The following NSMCE1 variants were observed in gnomAD, a reference collection of about 807,000 sequenced individuals.
NSMCE1 encodes non-structural maintenance of chromosomes element 1 homolog.
A neutral mutation model predicts 29.6 loss-of-function variants in NSMCE1; 18 were observed. The ratio of observed to expected loss-of-function variants is 0.61; its 90% confidence interval spans 0.42 to 0.90. The LOEUF is 0.90. Ranked by LOEUF, NSMCE1 falls within the 40% of genes least tolerant of loss-of-function variation. NSMCE1 has a pLI of 0.00. For synonymous variants in NSMCE1, 124 were observed against 133.4 expected (o/e 0.93, Z 0.49); for missense variants, 314 against 343.6 (o/e 0.91, Z 0.68).
chr16:27,226,760 G>A lies in NSMCE1; in HGVS notation c.560C>T (p.Ala187Val), dbSNP rs200970237. The A allele has an allele frequency of 4.7e-5, 76 of 1,613,850 alleles. No individual in the cohort carries two copies. Among genetic ancestry groups the A allele is most frequent in the African/African-American group, 9.3e-5 (7 of 75,056 alleles). The change falls in exon 6 of 8, where the codon GCG becomes GTG. Residue 187 changes from alanine to valine, a missense_variant. By Grantham distance (64) the Ala-to-Val change is moderately conservative. Transcript: ENST00000361439. Reference protein sequence around the residue: ...EQYIRETYPDAVKICNICHSL... With the variant: ...EQYIRETYPDVVKICNICHSL... ...GTGACAGATATTGCAGATCTTCACC[G>A]CGTCGGGGTACGTCTCCCGGATGTA... is the stretch of plus-strand genomic sequence containing the variant.
At chr16:27,260,882 G>C (rs1031215371) in intron 1 of NSMCE1, among the ~76,000 whole-genome samples, 18 of 103,278 alleles carry the variant, frequency 1.7e-4, no homozygotes, top group Admixed American at 1.4e-3. Context: ...AAAAGGTTGC[G>C]GGGGCTGGTC....
chr16:27,225,582 G>T (rs1018246381), intron 7 of NSMCE1, 144 bp downstream of exon 7: 2 of 946,228 alleles, frequency 2.1e-6, no homozygotes, highest in Non-Finnish European at 1.5e-6. Flanking sequence ...TCCTGCAGTG[G>T]CTTCTTCTAG....
rs1245448621 is a variant in NSMCE1, at chr16:27,234,182, A to T, written c.336+6T>A. ...CCCAATGGGCAATGGGGATTACTCTACTTACAGCCTTTCTAAACAAATCCA... is the reference window on the plus strand; with the variant it reads ...CCCAATGGGCAATGGGGATTACTCTTCTTACAGCCTTTCTAAACAAATCCA... On this transcript the variant is annotated splice_donor_region_variant and intron_variant, in intron 4 of 7. Transcript: ENST00000361439. 1 of 1,598,338 alleles carries T rather than the reference A, an allele frequency of 6.3e-7. No homozygotes were observed. The highest frequency in any genetic ancestry group is 8.6e-7 in the Non-Finnish European group (1 of 1,165,454).
At chr16:27,238,060 G>A (rs7186151) in intron 2 of NSMCE1, among the ~76,000 whole-genome samples, 46,742 of 151,880 alleles carry the variant, frequency 0.31, 7,398 homozygotes, top group East Asian at 0.47. Flanking sequence ...CCTCTTAATC[G>A]TGACCTGAGA....
At chr16:27,246,784 C>T (rs919461920) in intron 2 of NSMCE1, among the ~76,000 whole-genome samples, 4 of 152,162 alleles carry the variant, frequency 2.6e-5, no homozygotes, top group Admixed American at 6.5e-5. Flanking sequence ...GCTACTGCAC[C>T]GGGCCAAGAA....
rs952472827 is a variant in NSMCE1, at chr16:27,264,908, A to G, written c.-12+3798T>C. 7.9e-5 allele frequency among the ~76,000 whole-genome samples: 12 copies of G among 152,210 alleles called. No homozygotes were observed. In the East Asian group the frequency reaches 2.1e-3, roughly 27 times the overall value. On this transcript the variant is annotated intron_variant, in intron 1 of 7. Transcript: ENST00000361439. Reference sequence around the variant, plus strand: ...CAAAAGATTCATATTCAGACTATATAAGGAATTCCTACAAATCAGCATGGG... The same window carrying G: ...CAAAAGATTCATATTCAGACTATATGAGGAATTCCTACAAATCAGCATGGG...
At chr16:27,229,424 C>T (rs762864342) in intron 5 of NSMCE1, among the ~76,000 whole-genome samples, 16 of 152,218 alleles carry the variant, frequency 1.1e-4, no homozygotes, top group Admixed American at 3.9e-4. Flanking sequence ...TGTGCTCACT[C>T]CTGTGTCCGC....
chr16:27,247,718 G>A (rs2083972360), intron 2 of NSMCE1, among the ~76,000 whole-genome samples: 1 of 151,992 alleles, frequency 6.6e-6, no homozygotes, highest in South Asian at 2.1e-4. Context: ...CGAGGTGAGG[G>A]GATCAATATC....
intron 2 of NSMCE1, among the ~76,000 whole-genome samples, chr16:27,251,946 C>T (rs2084039869): frequency 6.6e-6 from 1 of 152,186 alleles, no homozygotes; most frequent in South Asian, 2.1e-4. Context: ...CCTGAACTCT[C>T]ATCTCCATCT....
chr16:27,243,504 T>G (rs986494126), intron 2 of NSMCE1, among the ~76,000 whole-genome samples: 1 of 152,144 alleles, frequency 6.6e-6, no homozygotes, highest in Non-Finnish European at 1.5e-5. Flanking sequence ...TACATCAACC[T>G]GCCCAGAAAG....
At chr16:27,262,205 T>C (rs969316399) in intron 1 of NSMCE1, among the ~76,000 whole-genome samples, 2 of 149,234 alleles carry the variant, frequency 1.3e-5, no homozygotes, top group African/African-American at 5.0e-5. Context: ...GATCACGCCA[T>C]TGCACTCCAG....
At chr16:27,267,307 T>A (rs576733655) in intron 1 of NSMCE1, among the ~76,000 whole-genome samples, 194 of 152,322 alleles carry the variant, frequency 1.3e-3, no homozygotes, top group Middle Eastern at 3.4e-3. Flanking sequence ...ATACCATTCG[T>A]GCGGGTGCTA....
At chr16:27,239,698 G>A (rs981972268) in intron 2 of NSMCE1, among the ~76,000 whole-genome samples, 3 of 152,354 alleles carry the variant, frequency 2.0e-5, no homozygotes, top group Non-Finnish European at 2.9e-5. Flanking sequence ...GCCCAGCTAT[G>A]AGGACAGAGG....
chr16:27,236,272 G>A, intron 2 of NSMCE1, among the ~76,000 whole-genome samples: 1 of 150,376 alleles, frequency 6.6e-6, no homozygotes, highest in African/African-American at 2.4e-5. Context: ...CCAGCGTTGT[G>A]TCCCTTTTAT....
chr16:27,226,399 G>A (rs1567270683), intron 6 of NSMCE1: 3 of 313,230 alleles, frequency 9.6e-6, no homozygotes, highest in African/African-American at 2.1e-5. Flanking sequence ...AGCAGCAATC[G>A]ACAAGAGACA....
chr16:27,247,644 T>C (rs1462901930), intron 2 of NSMCE1, among the ~76,000 whole-genome samples: 1 of 152,098 alleles, frequency 6.6e-6, no homozygotes, highest in African/African-American at 2.4e-5. Flanking sequence ...TGCCTTCATA[T>C]GGCCGGGCAC....
At chr16:27,259,401 G>A (rs990611544) in intron 1 of NSMCE1, among the ~76,000 whole-genome samples, 5 of 152,162 alleles carry the variant, frequency 3.3e-5, no homozygotes, top group African/African-American at 7.2e-5. Context: ...TAGCACCCCC[G>A]TATTTGCCAG....
chr16:27,234,229 T>A lies in NSMCE1; in HGVS notation c.295A>T (p.Thr99Ser). 1 of 1,613,646 alleles carries A rather than the reference T, an allele frequency of 6.2e-7. No homozygotes were observed. The highest frequency in any genetic ancestry group is 8.5e-7 in the Non-Finnish European group (1 of 1,179,500). The part of the protein sequence containing the change: ...LATTSISKMA[T>S]DFAENELDLF... The stretch of plus-strand genomic sequence containing the variant: ...TCCAGTTCATTCTCTGCAAAATCCG[T>A]AGCCATTTTGGAAATTGAAGTTGTA... Residue 99 changes from threonine to serine, a missense_variant, in exon 4 of 8, where the codon ACG becomes TCG. Thr to Ser is a moderately conservative substitution (Grantham distance 58). Transcript: ENST00000361439.
Position 27,242,159 on chromosome 16 carries a change from A to G in NSMCE1, c.137-6860T>C, listed in dbSNP as rs186766152. On this transcript the variant is annotated intron_variant, in intron 2 of 7. Transcript: ENST00000361439. ...TCCACTTTTCTGTTTGACTTTTTCC[A>G]TAATAAAATGTTGTAAAAATACTTC... is the stretch of plus-strand genomic sequence containing the variant. Among the ~76,000 whole-genome samples, 188 of 152,336 alleles carry G rather than the reference A, an allele frequency of 1.2e-3. 5 individuals are homozygous for G. The highest frequency in any genetic ancestry group is 0.011 in the Admixed American group (172 of 15,304).
Sources: gnomAD v4.1 joint callset for allele counts (sites outside exome capture counted in the v4.1 genomes callset) on GRCh38, gnomAD v4.1.1 for gene constraint, MANE v1.5 for transcripts, NCBI Gene and HGNC (gene_info 2026-07-23, HGNC 2026-07-21) for gene names.